CPEB1: variants seen among roughly 807,000 people sequenced by gnomAD.
CPEB1 encodes cytoplasmic polyadenylation element-binding protein 1.
Under a neutral mutation model 65.8 loss-of-function variants are expected in CPEB1, and 7 were observed. The ratio of observed to expected loss-of-function variants is 0.11; its 90% CI spans 0.06 to 0.20. The LOEUF is 0.20. Ranked by LOEUF, CPEB1 falls within the 10% of genes least tolerant of loss-of-function variation. The pLI is 1.00. For synonymous variants in CPEB1, 262 were observed against 260.0 expected (o/e 1.01, Z -0.08); for missense variants, 551 against 712.2 (o/e 0.77, Z 2.58).
At chr15:82,588,431 C>T (rs1229365806) in intron 3 of CPEB1, among the ~76,000 whole-genome samples, 1 of 152,118 alleles carries the variant, frequency 6.6e-6, no homozygotes, top group Non-Finnish European at 1.5e-5. Flanking sequence ...AATATATGCA[C>T]AAATGGTCAA....
chr15:82,596,364 A>G (rs1438204747), intron 3 of CPEB1, among the ~76,000 whole-genome samples: 1 of 151,354 alleles, frequency 6.6e-6, no homozygotes, highest in Non-Finnish European at 1.5e-5. Flanking sequence ...TCCATCTGAG[A>G]AAAAAAAGCC....
chr15:82,604,317 A>G (rs554434887), intron 3 of CPEB1, among the ~76,000 whole-genome samples: 1 of 152,232 alleles, frequency 6.6e-6, no homozygotes, highest in South Asian at 2.1e-4. Context: ...CCCTGTCTCT[A>G]CTAAAATACA....
At chr15:82,593,307 G>A (rs1206960784) in intron 3 of CPEB1, among the ~76,000 whole-genome samples, 2 of 152,206 alleles carry the variant, frequency 1.3e-5, no homozygotes, top group East Asian at 3.8e-4. Context: ...CTAACTTTAT[G>A]TGGAAATTCT....
intron 8 of CPEB1, 48 bp downstream of exon 8, chr15:82,553,419 G>A (rs753106615): frequency 2.1e-6 from 3 of 1,444,516 alleles, no homozygotes; most frequent in Admixed American, 1.7e-5. Flanking sequence ...TACTAGGGAA[G>A]GGAAAAAAAA....
intron 4 of CPEB1, among the ~76,000 whole-genome samples, chr15:82,564,926 AG>A (rs1174367243): frequency 6.6e-6 from 1 of 152,082 alleles, no homozygotes; most frequent in Non-Finnish European, 1.5e-5. Flanking sequence ...CCAACCACAT[AG>A]AAAAACGGGG....
chr15:82,647,477 C>G (rs935898748), upstream of CPEB1: 2 of 188,026 alleles, frequency 1.1e-5, no homozygotes, highest in African/African-American at 4.7e-5. Context: ...GGCTTCGGGT[C>G]TCCCGTGCGA....
chr15:82,648,744 C>G (rs2047767215), upstream of CPEB1: 1 of 152,304 alleles, frequency 6.6e-6, no homozygotes, highest in South Asian at 2.1e-4. Context: ...CGGCACCGAG[C>G]GGCTCCCTCT....
At chr15:82,598,257 C>T (rs1596082610) in intron 3 of CPEB1, among the ~76,000 whole-genome samples, 1 of 17,478 alleles carries the variant, frequency 5.7e-5, no homozygotes, top group Admixed American at 4.0e-4. Context: ...GGGTGGATCA[C>T]CTGAGGTGGG....
At chr15:82,572,431 C>G (rs1384487884) in intron 3 of CPEB1, among the ~76,000 whole-genome samples, 1 of 152,132 alleles carries the variant, frequency 6.6e-6, no homozygotes, top group Non-Finnish European at 1.5e-5. Context: ...TCCAGGTACA[C>G]CTCAAAGGAC....
chr15:82,583,765 T>C (rs1269276313), intron 3 of CPEB1, among the ~76,000 whole-genome samples: 1 of 152,186 alleles, frequency 6.6e-6, no homozygotes, highest in Non-Finnish European at 1.5e-5. Context: ...TCATGAACCA[T>C]TTGGCAGTCT....
At chr15:82,545,171 T>G (rs2034945952) in intron 12 of CPEB1, among the ~76,000 whole-genome samples, 1 of 152,190 alleles carries the variant, frequency 6.6e-6, no homozygotes, top group South Asian at 2.1e-4. Context: ...TTGGTTGCTG[T>G]GTAACGTCAG....
chr15:82,610,978 A>G (rs1315616338), intron 3 of CPEB1, among the ~76,000 whole-genome samples: 3 of 147,830 alleles, frequency 2.0e-5, no homozygotes, highest in East Asian at 1.9e-4. Flanking sequence ...AAAAAAAAAA[A>G]AAAAAAAAAA....
intron 4 of CPEB1, among the ~76,000 whole-genome samples, chr15:82,563,357 CTTTTTTTTTTTT>C (rs71453394): frequency 8.7e-5 from 8 of 92,076 alleles, no homozygotes; most frequent in Admixed American, 1.4e-4. Flanking sequence ...CATCTCTATT[CTTTTTTTTTTTT>C]TTTTTTTTTT....
At chr15:82,558,094 C>T in intron 4 of CPEB1, 108 bp from the exon 5 acceptor site, 1 of 730,390 alleles carries the variant, frequency 1.4e-6, no homozygotes, top group Non-Finnish European at 2.2e-6. Context: ...GGCAAGACAA[C>T]TAAAAGCATG....
At chr15:82,593,750 A>G (rs1307738474) in intron 3 of CPEB1, among the ~76,000 whole-genome samples, 2 of 152,220 alleles carry the variant, frequency 1.3e-5, no homozygotes, top group African/African-American at 2.4e-5. Context: ...TTGAAAGTAA[A>G]AATTACTCCT....
intron 3 of CPEB1, among the ~76,000 whole-genome samples, chr15:82,583,739 G>A (rs992902675): frequency 1.3e-5 from 2 of 152,134 alleles, no homozygotes; most frequent in Non-Finnish European, 2.9e-5. Flanking sequence ...AATGCCAGAG[G>A]TTAACCTTTT....
chr15:82,621,719 T>C (rs1360336163), intron 3 of CPEB1, among the ~76,000 whole-genome samples: 1 of 151,186 alleles, frequency 6.6e-6, no homozygotes, highest in Non-Finnish European at 1.5e-5. Context: ...GCTGGTTACA[T>C]GGTTGTGTTC....
At chr15:82,632,872 T>C (rs2046378053) in intron 1 of CPEB1, among the ~76,000 whole-genome samples, 1 of 152,088 alleles carries the variant, frequency 6.6e-6, no homozygotes, top group South Asian at 2.1e-4. Flanking sequence ...AATTCATAGT[T>C]CCTCATTTTC....
intron 3 of CPEB1, among the ~76,000 whole-genome samples, chr15:82,612,509 CAA>C (rs34537151): frequency 1.5e-5 from 2 of 130,274 alleles, no homozygotes; most frequent in East Asian, 2.3e-4. Flanking sequence ...AAAAAAAAAA[CAA>C]AAAAAAAAAC....
Sources: allele counts gnomAD v4.1 joint callset (sites outside exome capture counted in the v4.1 genomes callset), GRCh38; gene constraint gnomAD v4.1.1; transcripts MANE v1.5; gene names NCBI Gene and HGNC (gene_info 2026-07-23, HGNC 2026-07-21).